ST3GAL3: variants seen among roughly 807,000 people sequenced by gnomAD.
ST3GAL3 encodes the protein ST3 beta-galactoside alpha-2,3-sialyltransferase 3, also known as CMP-N-acetylneuraminate-beta-1,4-galactoside alpha-2,3-sialyltransferase.
ST3GAL3 carries 21 observed loss-of-function variants against 50.1 expected under a neutral mutation model. The observed-to-expected ratio is 0.42, with a 90% CI of 0.30 to 0.60. The LOEUF (loss-of-function observed/expected upper bound fraction) is 0.60, where lower values mean the gene tolerates loss of function less well. Among genes scored for constraint, ST3GAL3 ranks in the 20% least tolerant of loss-of-function variants. The pLI, the probability that ST3GAL3 is intolerant of heterozygous loss-of-function variation, is 0.19. For missense variants in ST3GAL3, 353 were observed against 489.4 expected, an observed-to-expected ratio of 0.72 and a Z score of 2.63; for synonymous variants, 183 against 190.0, an observed-to-expected ratio of 0.96 and a Z score of 0.30.
intron 3 of ST3GAL3, among the ~76,000 whole-genome samples, chr1:43,809,770 G>A (rs12122867): frequency 0.36 from 53,842 of 151,634 alleles, 10,626 homozygotes; most frequent in East Asian, 0.59. Context: ...TAAGGTGGGC[G>A]GATCACTTGA....
At chr1:43,863,296 TGGGGA>T (rs893665888) in intron 5 of ST3GAL3, among the ~76,000 whole-genome samples, 4 of 152,226 alleles carry the variant, frequency 2.6e-5, no homozygotes, top group African/African-American at 9.6e-5. Flanking sequence ...TGTGGGGCTG[TGGGGA>T]GGCTGAAGCC....
At chr1:43,772,153 G>A (rs1695506165) in intron 2 of ST3GAL3, 6 of 396,408 alleles carry the variant, frequency 1.5e-5, no homozygotes, top group Non-Finnish European at 2.7e-5. Flanking sequence ...GGGTTCAAGC[G>A]ATTCTCCTGC....
In ST3GAL3 at chr1:43,737,371, G is replaced by A. The variant is rs1375937213; in HGVS notation, c.118+991G>A. On this transcript the variant is annotated intron_variant, in intron 2 of 11. Coordinates refer to ENST00000347631, the MANE Select transcript of ST3GAL3 (RefSeq NM_006279.5). The surrounding 1 kb of genome is among the most constrained non-coding windows in gnomAD (Gnocchi z 4.0). ...GGAAGAAGCAACGGGCAATTGGCCT[G>A]CTGTTGTTCTAAGACCCTAACATGG... is the stretch of plus-strand genomic sequence containing the variant. 4.6e-5 allele frequency: 7 copies of A among 152,218 alleles called. No homozygotes were observed. Among genetic ancestry groups the A allele is most frequent in the African/African-American group, 1.7e-4 (7 of 41,444 alleles). 9.4% of individuals were successfully genotyped at this position (152,218 alleles called of 1,614,324 possible). A position where few individuals can be genotyped will look rare whatever the true frequency, so the allele number is the denominator to read the frequency against.
intron 5 of ST3GAL3, among the ~76,000 whole-genome samples, chr1:43,891,146 A>G (rs985697430): frequency 4.6e-5 from 7 of 152,194 alleles, no homozygotes; most frequent in African/African-American, 1.7e-4. Context: ...AATGTACAAG[A>G]TCAGCCTCAA....
chr1:43,898,682 A>G (rs1416716855), intron 7 of ST3GAL3, among the ~76,000 whole-genome samples: 1 of 152,156 alleles, frequency 6.6e-6, no homozygotes, highest in South Asian at 2.1e-4. Context: ...AGGAAGCCCC[A>G]GGGTCAGGGA....
chr1:43,814,985 G>T, intron 4 of ST3GAL3, 52 bp downstream of exon 4: 1 of 1,566,744 alleles, frequency 6.4e-7, no homozygotes, highest in Non-Finnish European at 8.8e-7. Flanking sequence ...GTCTGTGAGA[G>T]CTGGGTCTCA....
chr1:43,894,371 G>A lies in ST3GAL3; in HGVS notation c.303-12G>A. On this transcript the variant is annotated splice_polypyrimidine_tract_variant and intron_variant, in intron 5 of 11. Transcript: ENST00000347631. ...CGTTTTTGTGATCCTCAGCAGTCCT[G>A]TTATATTCCAGGTTCTCCAAGCCAG... The A allele has an allele frequency of 6.2e-7, 1 of 1,614,000 alleles. No homozygotes were observed. The highest frequency in any genetic ancestry group is 8.5e-7 in the Non-Finnish European group (1 of 1,179,836).
At chr1:43,715,730 A>G (rs754858914) in intron 1 of ST3GAL3, among the ~76,000 whole-genome samples, 3 of 152,170 alleles carry the variant, frequency 2.0e-5, no homozygotes, top group East Asian at 1.9e-4. Flanking sequence ...TGAGGCTGCA[A>G]TGAGCTGTGA....
intron 5 of ST3GAL3, among the ~76,000 whole-genome samples, chr1:43,872,593 G>A (rs1438766754): frequency 1.3e-5 from 2 of 152,036 alleles, no homozygotes; most frequent in Non-Finnish European, 1.5e-5. Context: ...AATCCACGAG[G>A]TAGTAGGTAT....
intron 1 of ST3GAL3, among the ~76,000 whole-genome samples, chr1:43,718,531 A>G (rs997247115): frequency 1.4e-5 from 2 of 146,802 alleles, no homozygotes; most frequent in Admixed American, 6.8e-5. Context: ...GTTTTTTTTT[A>G]TTTTTTAAAT....
At position 43,772,029 on chromosome 1, in the gene ST3GAL3, TC is replaced by T. The variant is rs143801898; in HGVS notation, c.119-20072del. 3.9e-5 allele frequency: 13 copies of T among 334,880 alleles called. No individual in the cohort carries two copies. The South Asian group carries it at 1.3e-3, about 33-fold the overall frequency. The allele number at this position is 334,880 out of a possible 1,614,324, so 20.7% of individuals were successfully genotyped here. A position where few individuals can be genotyped will look rare whatever the true frequency, so the allele number is the denominator to read the frequency against. ...AACTGAGCGTATCCTGCAGAGGTGGTCTTTTTTTTTTTTTTTTTAGATGGAG... is the reference window on the plus strand; with the variant it reads ...AACTGAGCGTATCCTGCAGAGGTGGTTTTTTTTTTTTTTTTTTAGATGGAG... On this transcript the variant is annotated intron_variant, in intron 2 of 11. Coordinates refer to ENST00000347631, the MANE Select transcript of ST3GAL3 (RefSeq NM_006279.5).
intron 2 of ST3GAL3, among the ~76,000 whole-genome samples, chr1:43,744,655 AAAAT>A (rs71036638): frequency 0.077 from 10,811 of 140,866 alleles, 1,376 homozygotes; most frequent in African/African-American, 0.27. Context: ...TCCCTCTCAA[AAAAT>A]AAATAAATAA....
In ST3GAL3 at chr1:43,876,203, A is replaced by G. The variant is rs530494340; in HGVS notation, c.303-18180A>G. Among the ~76,000 whole-genome samples the G allele has an allele frequency of 2.0e-5, 3 of 152,152 alleles. No homozygotes were observed. The South Asian group carries it at 6.2e-4, about 32-fold the overall frequency. On this transcript the variant is annotated intron_variant, in intron 5 of 11. Transcript: ENST00000347631. The stretch of plus-strand genomic sequence containing the variant: ...GATCTCAAACTCCTGGGCTCAAGCA[A>G]TCCGCCCGCCTCGGCCTCCTAAAGT...
chr1:43,824,783 T>G, intron 4 of ST3GAL3: 1 of 1,581,320 alleles, frequency 6.3e-7, no homozygotes, highest in Non-Finnish European at 8.7e-7. Context: ...CATATTGGAA[T>G]CACCTGGAGA....
intron 3 of ST3GAL3, among the ~76,000 whole-genome samples, chr1:43,803,246 C>T (rs931577276): frequency 1.4e-4 from 22 of 151,982 alleles, no homozygotes; most frequent in African/African-American, 5.3e-4. Context: ...GTAAATGCTC[C>T]CTACATGTCT....
chr1:43,811,420 T>C (rs2060545075), intron 3 of ST3GAL3, among the ~76,000 whole-genome samples: 1 of 152,166 alleles, frequency 6.6e-6, no homozygotes, highest in Non-Finnish European at 1.5e-5. Flanking sequence ...TGATGACCCC[T>C]TTCCATTTTA....
chr1:43,784,807 T>C (rs2057081161), intron 2 of ST3GAL3, among the ~76,000 whole-genome samples: 1 of 152,230 alleles, frequency 6.6e-6, no homozygotes, highest in South Asian at 2.1e-4. Flanking sequence ...TTGTTTCCAC[T>C]GAAGTTACAG....
At chr1:43,911,517 A>C (rs78806061) in intron 9 of ST3GAL3, among the ~76,000 whole-genome samples, 4 of 122,832 alleles carry the variant, frequency 3.3e-5, no homozygotes, top group Non-Finnish European at 5.2e-5. Context: ...ACATCTATAG[A>C]TATAGATATC....
At chr1:43,734,701 T>G (rs1279304408) in intron 1 of ST3GAL3, among the ~76,000 whole-genome samples, 3 of 152,184 alleles carry the variant, frequency 2.0e-5, no homozygotes, top group African/African-American at 4.8e-5. Context: ...ATCACCTACT[T>G]TATTGAACTT....
Sources: gnomAD v4.1 joint callset for allele counts (sites outside exome capture counted in the v4.1 genomes callset) on GRCh38, gnomAD v4.1.1 for gene constraint, Gnocchi (gnomAD v3.1) non-coding constraint, MANE v1.5 for transcripts, NCBI Gene and HGNC (gene_info 2026-07-23, HGNC 2026-07-21) for gene names.